The following SCLT1 variants were observed in gnomAD, a reference collection of about 807,000 sequenced individuals.
SCLT1 encodes sodium channel and clathrin linker 1, also known as sodium channel-associated protein 1.
In SCLT1, 78 loss-of-function variants were observed where a neutral mutation model predicts 112.8. That is an observed-to-expected ratio of 0.69 (90% CI 0.58 to 0.83). The LOEUF (loss-of-function observed/expected upper bound fraction) is 0.83, where lower values mean the gene tolerates loss of function less well. SCLT1 is among the 40% of genes least tolerant of loss of function. The pLI, the probability that SCLT1 is intolerant of heterozygous loss-of-function variation, is 0.00. For missense variants in SCLT1, 747 were observed against 770.4 expected (o/e 0.97, Z 0.36); for synonymous variants, 257 against 254.7 (o/e 1.01, Z -0.09).
At chr4:129,078,350 T>C (rs1463907723) in intron 2 of SCLT1, among the ~76,000 whole-genome samples, 1 of 152,184 alleles carries the variant, frequency 6.6e-6, no homozygotes, top group African/African-American at 2.4e-5. Context: ...ACAGATATGA[T>C]GCATTACCGT....
At chr4:128,921,233 A>C (rs1735855245) in intron 18 of SCLT1, among the ~76,000 whole-genome samples, 1 of 152,334 alleles carries the variant, frequency 6.6e-6, no homozygotes, top group Admixed American at 6.5e-5. Flanking sequence ...TGCCCAAAGC[A>C]ATTTACAGAT....
At chr4:129,059,542 A>G (rs1003080175) in intron 2 of SCLT1, among the ~76,000 whole-genome samples, 2 of 152,138 alleles carry the variant, frequency 1.3e-5, no homozygotes, top group Non-Finnish European at 2.9e-5. Context: ...TGTAGGGTTG[A>G]TAGAGTGGTC....
At chr4:128,991,981 G>A (rs543453768) in intron 9 of SCLT1, among the ~76,000 whole-genome samples, 186 bp downstream of exon 9, 9 of 151,806 alleles carry the variant, frequency 5.9e-5, no homozygotes, top group African/African-American at 1.9e-4. Flanking sequence ...GTATATCACA[G>A]TTATCTCCTA....
At chr4:128,947,336 T>C (rs905454707) in intron 15 of SCLT1, among the ~76,000 whole-genome samples, 1 of 152,164 alleles carries the variant, frequency 6.6e-6, no homozygotes, top group Non-Finnish European at 1.5e-5. Context: ...TGTACGCAGA[T>C]GGAAACTCAG....
intron 14 of SCLT1, among the ~76,000 whole-genome samples, chr4:128,951,753 C>G (rs1437067864): frequency 6.6e-6 from 1 of 152,172 alleles, no homozygotes; most frequent in Non-Finnish European, 1.5e-5. Flanking sequence ...ATGTCACTAA[C>G]TGGCCACATT....
chr4:128,880,235 C>T (rs963103910), downstream of SCLT1, among the ~76,000 whole-genome samples: 1 of 152,158 alleles, frequency 6.6e-6, no homozygotes, highest in African/African-American at 2.4e-5. Context: ...CTGACATGTG[C>T]TGATCAGTTT....
chr4:129,078,204 C>G (rs750521791), intron 2 of SCLT1, among the ~76,000 whole-genome samples: 1 of 152,188 alleles, frequency 6.6e-6, no homozygotes, highest in Non-Finnish European at 1.5e-5. Flanking sequence ...GAAGATTTGT[C>G]CCTACTAGGT....
At chr4:129,003,180 AG>A (rs1228895563) in intron 6 of SCLT1, among the ~76,000 whole-genome samples, 2 of 152,248 alleles carry the variant, frequency 1.3e-5, no homozygotes, top group Admixed American at 6.5e-5. Context: ...AAACTAACAC[AG>A]GAACAGAAAA....
intron 6 of SCLT1, among the ~76,000 whole-genome samples, chr4:129,002,361 A>G (rs1743573301): frequency 6.6e-6 from 1 of 152,086 alleles, no homozygotes; most frequent in Admixed American, 6.6e-5. Context: ...AACAGGATAT[A>G]TTTAACATAG....
At position 129,014,277 on chromosome 4, in the gene SCLT1, G is replaced by A. The variant is rs185170590; in HGVS notation, c.291-10401C>T. On this transcript the variant is annotated intron_variant, in intron 5 of 20. Coordinates refer to ENST00000281142, the MANE Select transcript of SCLT1 (RefSeq NM_144643.4). ...ATACTCCTGTAGCTCAATGATCTTC[G>A]TTTCATGCATATTCTGATTTCTATT... Among the ~76,000 whole-genome samples the A allele has an allele frequency of 1.2e-4, 18 of 152,018 alleles. No individual in the cohort carries two copies. The East Asian group carries it at 1.5e-3, about 13-fold the overall frequency.
chr4:128,952,463 C>T (rs1205359715), intron 14 of SCLT1: 1 of 502,914 alleles, frequency 2.0e-6, no homozygotes, highest in African/African-American at 1.9e-5. Flanking sequence ...CTTTCTCTTT[C>T]TCCTTGGTTT....
At chr4:129,019,722 T>A (rs969473215) in intron 5 of SCLT1, among the ~76,000 whole-genome samples, 1 of 151,248 alleles carries the variant, frequency 6.6e-6, no homozygotes, top group African/African-American at 2.4e-5. Flanking sequence ...ATGCCTCACC[T>A]CACCTGACAG....
chr4:128,883,157 C>CAAAAAAAAAAAAAAA (rs34993678), downstream of SCLT1, among the ~76,000 whole-genome samples: 9 of 57,634 alleles, frequency 1.6e-4, no homozygotes, highest in South Asian at 5.8e-4. Context: ...ACAACAACAA[C>CAAAAAAAAAAAAAAA]AAAAAAAAAA....
At chr4:128,957,211 CT>C in intron 12 of SCLT1, 87 bp from the exon 13 acceptor site, 1 of 685,268 alleles carries the variant, frequency 1.5e-6, no homozygotes, top group South Asian at 2.2e-5. Flanking sequence ...TAGTCACTTC[CT>C]TATTCAAAAC....
intron 13 of SCLT1, 122 bp from the exon 14 acceptor site, chr4:128,952,962 C>A: frequency 1.6e-6 from 1 of 626,014 alleles, no homozygotes. Flanking sequence ...GCATAAAAGA[C>A]AAATAAGCAC....
intron 2 of SCLT1, among the ~76,000 whole-genome samples, chr4:129,068,844 T>C (rs895641597): frequency 6.6e-6 from 1 of 152,212 alleles, no homozygotes; most frequent in African/African-American, 2.4e-5. Flanking sequence ...ATGAAATTCT[T>C]GCCTAAGCCA....
At chr4:128,947,914 A>G (rs1434112046) in intron 15 of SCLT1, among the ~76,000 whole-genome samples, 1 of 152,198 alleles carries the variant, frequency 6.6e-6, no homozygotes, top group Admixed American at 6.5e-5. Flanking sequence ...ATAAAACTCA[A>G]AAAGAAAGGA....
At chr4:129,045,727 T>C (rs1657835643) in intron 2 of SCLT1, among the ~76,000 whole-genome samples, 1 of 152,078 alleles carries the variant, frequency 6.6e-6, no homozygotes, top group Admixed American at 6.6e-5. Context: ...AGAAAGTATT[T>C]ATGATCACAT....
intron 2 of SCLT1, among the ~76,000 whole-genome samples, chr4:129,077,248 T>A (rs1265490315): frequency 6.6e-6 from 1 of 152,164 alleles, no homozygotes; most frequent in African/African-American, 2.4e-5. Context: ...CAATCAAGTT[T>A]GAAGTTCCAG....
Sources: allele counts gnomAD v4.1 joint callset (sites outside exome capture counted in the v4.1 genomes callset), GRCh38; gene constraint gnomAD v4.1.1; transcripts MANE v1.5; gene names NCBI Gene and HGNC (gene_info 2026-07-23, HGNC 2026-07-21).